SLC9A3: variants seen among roughly 807,000 people sequenced by gnomAD.
SLC9A3 encodes sodium/hydrogen exchanger 3.
SLC9A3 carries 37 observed loss-of-function variants against 86.8 expected under a neutral mutation model. That is an observed-to-expected ratio of 0.43 (90% CI 0.33 to 0.56). The LOEUF is 0.56. Ranked by LOEUF, SLC9A3 falls within the 20% of genes least tolerant of loss-of-function variation. SLC9A3 has a pLI of 0.06. For synonymous variants in SLC9A3, 581 were observed against 528.3 expected, an observed-to-expected ratio of 1.10 and a Z score of -1.37; for missense variants, 1,011 against 1,171.9, an observed-to-expected ratio of 0.86 and a Z score of 2.00.
At chr5:482,236 GC>G in intron 7 of SLC9A3, 79 bp from the exon 8 acceptor site, 1 of 1,128,362 alleles carries the variant, frequency 8.9e-7, no homozygotes, top group Non-Finnish European at 1.3e-6. Context: ...ACCACACAGA[GC>G]CACCTGCCCC....
chr5:472,719 CGGCCCAGGCCGCTTGCGGGCGCTG>C lies in SLC9A3; in HGVS notation c.*636_*659del, dbSNP rs1344130307. 1 of 562,674 alleles carries C rather than the reference CGGCCCAGGCCGCTTGCGGGCGCTG, an allele frequency of 1.8e-6. No homozygotes were observed. Among genetic ancestry groups the C allele is most frequent in the Admixed American group, 2.2e-5 (1 of 45,196 alleles). The allele number at this position is 562,674 out of a possible 1,614,324, so 34.9% of individuals were successfully genotyped here. On this transcript the variant is annotated 3_prime_UTR_variant, in exon 17 of 17. Coordinates refer to ENST00000264938, the MANE Select transcript of SLC9A3 (RefSeq NM_004174.4). ...CTGGCGAGGGCCTGGAAACGGCGCT[CGGCCCAGGCCGCTTGCGGGCGCTG>C]GGCCTGCAGCCGCTGCAGGTCGGGC...
intron 2 of SLC9A3, 70 bp from the exon 3 acceptor site, chr5:488,546 G>T: frequency 7.1e-7 from 1 of 1,407,946 alleles, no homozygotes; most frequent in Non-Finnish European, 9.4e-7. Flanking sequence ...CTGGGGAGGC[G>T]CTCGCCTACG....
chr5:473,683 G>A (rs368232634), intron 16 of SLC9A3, among the ~76,000 whole-genome samples: 1 of 152,180 alleles, frequency 6.6e-6, no homozygotes, highest in Non-Finnish European at 1.5e-5. Context: ...GGAGGTCAAG[G>A]TCCCCAAGGG....
At chr5:507,292 C>G (rs1207451260) in intron 1 of SLC9A3, among the ~76,000 whole-genome samples, 9 of 143,670 alleles carry the variant, frequency 6.3e-5, no homozygotes, top group African/African-American at 2.1e-4. Context: ...CTCAGCCTCC[C>G]GAGTAGCTGG....
chr5:472,509 G>GAC lies in SLC9A3; in HGVS notation c.*868_*869dup. 3 of 335,818 alleles carry GAC rather than the reference G, an allele frequency of 8.9e-6. No individual in the cohort carries two copies. The highest frequency in any genetic ancestry group is 6.4e-5 in the South Asian group (3 of 47,228). The allele number at this position is 335,818 out of a possible 1,614,324, so 20.8% of individuals were successfully genotyped here. ...CCCGGGCGACCTCCGCGCCAGGTGC[G>GAC]ACAGCTCAGGCCGGAGACCTCGTCT... On this transcript the variant is annotated 3_prime_UTR_variant, in exon 17 of 17. Coordinates refer to ENST00000264938, the MANE Select transcript of SLC9A3 (RefSeq NM_004174.4).
At chr5:490,488 G>C (rs1317291619) in intron 2 of SLC9A3, among the ~76,000 whole-genome samples, 1 of 152,240 alleles carries the variant, frequency 6.6e-6, no homozygotes, top group African/African-American at 2.4e-5. Flanking sequence ...CAGTGTCTCT[G>C]GCCAATGCTA....
chr5:499,653 C>T (rs960387113), intron 1 of SLC9A3, among the ~76,000 whole-genome samples: 6 of 152,228 alleles, frequency 3.9e-5, no homozygotes, highest in African/African-American at 7.2e-5. Context: ...TGCCTGATGC[C>T]GTCTGCAGCT....
chr5:505,945 G>T (rs1382314325), intron 1 of SLC9A3, among the ~76,000 whole-genome samples: 1 of 151,860 alleles, frequency 6.6e-6, no homozygotes, highest in Non-Finnish European at 1.5e-5. Flanking sequence ...TAGGGTTGGG[G>T]TGCAGGTGGA....
In SLC9A3 at chr5:479,933, C is replaced by T. The variant is rs1739052489; in HGVS notation, c.1550G>A (p.Arg517Lys). The T allele has an allele frequency of 1.9e-6, 3 of 1,613,860 alleles. No individual in the cohort carries two copies. Among genetic ancestry groups the T allele is most frequent in the East Asian group, 2.2e-5 (1 of 44,900 alleles). ...CTGGGCCGACCGTCTCATGAGGACC[C>T]TGCTGAGGAACTTCCTGTCGAAGTG... ...WSHFDRKFLS[R>K]VLMRRSAQKS... The change falls in exon 10 of 17, where the codon AGG (arginine) becomes AAG (lysine). Residue 517 changes from arginine (R) to lysine (K), a missense_variant. Transcript: ENST00000264938.
intron 8 of SLC9A3, 133 bp from the exon 9 acceptor site, chr5:481,768 C>A: frequency 3.7e-6 from 3 of 806,046 alleles, no homozygotes; most frequent in South Asian, 2.9e-5. Flanking sequence ...ACGCAGCCTC[C>A]TCTCCCCTCC....
chr5:484,916 G>A (rs570123664), intron 4 of SLC9A3, among the ~76,000 whole-genome samples: 40 of 152,342 alleles, frequency 2.6e-4, no homozygotes, highest in South Asian at 6.2e-4. Context: ...CTATCCGGCC[G>A]TCTGTCTCAG....
chr5:481,567 G>C lies in SLC9A3; in HGVS notation c.1515C>G (p.Asp505Glu). ...CCGGGGCCGTCCCAGCCACTTACTT[G>C]TCTCTGAGATAATTGTGCCCGATCT... Reference protein sequence around the residue: ...SGQIGHNYLRDKWSHFDRKFL... With the variant: ...SGQIGHNYLREKWSHFDRKFL... Residue 505 changes from aspartate (D) to glutamate (E), a missense_variant and splice_region_variant, in exon 9 of 17, where the codon GAC becomes GAG. Around this residue, in one of 3 missense-constraint regions of SLC9A3, gnomAD observed 565 missense variants for 790.0 expected, o/e 0.72. Transcript: ENST00000264938. 6.2e-7 allele frequency: 1 copy of C among 1,613,200 alleles called. No homozygotes were observed. The highest frequency in any genetic ancestry group is 8.5e-7 in the Non-Finnish European group (1 of 1,179,190).
intron 16 of SLC9A3, among the ~76,000 whole-genome samples, chr5:473,807 T>C (rs1054293349): frequency 1.3e-5 from 2 of 152,208 alleles, no homozygotes; most frequent in African/African-American, 4.8e-5. Context: ...TGCTCTGAGC[T>C]GGAGGCAGAG....
In SLC9A3 at chr5:470,768, C is replaced by T. The variant is rs1315534331; in HGVS notation, c.*2611G>A. The stretch of plus-strand genomic sequence containing the variant: ...TCAATGGTACACAGTATATTGAACT[C>T]TGTAACAAAATTATTTTTGAGAAAA... On this transcript the variant is annotated 3_prime_UTR_variant, in exon 17 of 17. Coordinates refer to ENST00000264938, the MANE Select transcript of SLC9A3 (RefSeq NM_004174.4). The T allele has an allele frequency of 1.3e-5, 2 of 152,314 alleles. No homozygotes were observed. The highest frequency in any genetic ancestry group is 4.8e-5 in the African/African-American group (2 of 41,438). 9.4% of individuals were successfully genotyped at this position (152,314 alleles called of 1,614,324 possible).
chr5:493,614 C>A (rs1739892588), intron 1 of SLC9A3, among the ~76,000 whole-genome samples: 1 of 152,238 alleles, frequency 6.6e-6, no homozygotes, highest in African/African-American at 2.4e-5. Flanking sequence ...GTGGCAGGCA[C>A]AAGCTCCGCA....
rs540080517 is a variant in SLC9A3 at position 496,878 on chromosome 5, C to T, written c.212-4807G>A. ...CCAGCCTGGGCAACATGGCGAAACC[C>T]CATCTTTACAAAAAAAAATACAAAA... On this transcript the variant is annotated intron_variant, in intron 1 of 16. Transcript: ENST00000264938. The surrounding 1 kb of genome is among the most constrained non-coding windows in gnomAD (Gnocchi z 4.7). 7.2e-5 allele frequency among the ~76,000 whole-genome samples: 11 copies of T among 152,004 alleles called. No individual in the cohort carries two copies. Among genetic ancestry groups the T allele is most frequent in the Admixed American group, 5.2e-4 (8 of 15,252 alleles).
intron 3 of SLC9A3, 52 bp downstream of exon 3, chr5:488,264 G>A: frequency 6.3e-7 from 1 of 1,595,914 alleles, no homozygotes; most frequent in Non-Finnish European, 8.6e-7. Context: ...GTGAGACGGG[G>A]CCCAGGCCTC....
chr5:485,907 C>A (rs545285380), intron 3 of SLC9A3, among the ~76,000 whole-genome samples: 1 of 152,252 alleles, frequency 6.6e-6, no homozygotes, highest in East Asian at 1.9e-4. Context: ...CGGAGCTGGG[C>A]TTTTTAATGA....
At chr5:482,398 C>G (rs1739247126) in intron 7 of SLC9A3, 150 bp downstream of exon 7, 2 of 718,128 alleles carry the variant, frequency 2.8e-6, no homozygotes, top group Admixed American at 5.2e-5. Flanking sequence ...CCAGTGGGGC[C>G]ACGTGAAAAC....
Sources: allele counts gnomAD v4.1 joint callset (sites outside exome capture counted in the v4.1 genomes callset), GRCh38; gene constraint gnomAD v4.1.1; regional missense constraint gnomAD v4.1.1; non-coding constraint Gnocchi (gnomAD v3.1); transcripts MANE v1.5; gene names NCBI Gene and HGNC (gene_info 2026-07-23, HGNC 2026-07-21).